Variants in TTC27 observed in about 807,000 individuals in gnomAD.
TTC27 encodes the protein tetratricopeptide repeat protein 27.
TTC27 carries 79 observed loss-of-function variants against 115.9 expected under a neutral mutation model. The ratio of observed to expected loss-of-function variants is 0.68; its 90% CI spans 0.57 to 0.82. The LOEUF is 0.82. TTC27 is among the 40% of genes least tolerant of loss of function. The pLI is 0.00. For synonymous variants in TTC27, 401 were observed against 356.0 expected, an observed-to-expected ratio of 1.13 and a Z score of -1.42; for missense variants, 1,054 against 993.1, an observed-to-expected ratio of 1.06 and a Z score of -0.82.
chr2:32,816,736 G>T (rs959774123), intron 18 of TTC27, among the ~76,000 whole-genome samples: 1 of 152,194 alleles, frequency 6.6e-6, no homozygotes, highest in African/African-American at 2.4e-5. Flanking sequence ...GTTGCTGTCA[G>T]TGCTTCCTGA....
At chr2:32,669,211 C>T (rs560453207) in intron 7 of TTC27, among the ~76,000 whole-genome samples, 86 of 152,316 alleles carry the variant, frequency 5.6e-4, no homozygotes, top group African/African-American at 2.0e-3. Context: ...AGGCTGGTCT[C>T]GAACTTCTGG....
At chr2:32,712,355 T>C (rs1667608103) in intron 10 of TTC27, among the ~76,000 whole-genome samples, 1 of 152,200 alleles carries the variant, frequency 6.6e-6, no homozygotes, top group Non-Finnish European at 1.5e-5. Flanking sequence ...TTCAAGGCAG[T>C]GGTGATGTTA....
intron 16 of TTC27, among the ~76,000 whole-genome samples, chr2:32,805,480 A>G (rs1365944941): frequency 2.0e-5 from 3 of 152,210 alleles, no homozygotes; most frequent in African/African-American, 4.8e-5. Flanking sequence ...GTAATAAAGT[A>G]CCTGCTTCCT....
At chr2:32,716,074 C>T (rs2151907776) in intron 10 of TTC27, among the ~76,000 whole-genome samples, 1 of 152,278 alleles carries the variant, frequency 6.6e-6, no homozygotes, top group Non-Finnish European at 1.5e-5. Context: ...GCTTGCCTTT[C>T]AGTCTCAACA....
intron 13 of TTC27, among the ~76,000 whole-genome samples, chr2:32,770,815 A>T (rs1669804214): frequency 6.6e-6 from 1 of 152,068 alleles, no homozygotes; most frequent in African/African-American, 2.4e-5. Context: ...TTTGAAATGG[A>T]TTTATATCGT....
rs371914781 is a variant in TTC27, at chr2:32,812,052, A to G, written c.2197-452A>G. ...TTATGGACTTTCTTGCATATATGGAATTAAGAGTACCCAGAATTCTCTGAC... is the reference window on the plus strand; with the variant it reads ...TTATGGACTTTCTTGCATATATGGAGTTAAGAGTACCCAGAATTCTCTGAC... On this transcript the variant is annotated intron_variant, in intron 17 of 19. Coordinates refer to ENST00000317907, the MANE Select transcript of TTC27 (RefSeq NM_017735.5). Among the ~76,000 whole-genome samples the G allele has an allele frequency of 3.9e-5, 6 of 152,296 alleles. No individual in the cohort carries two copies. The East Asian group carries it at 9.7e-4, about 25-fold the overall frequency.
intron 12 of TTC27, among the ~76,000 whole-genome samples, chr2:32,739,690 G>T (rs990411655): frequency 2.0e-5 from 3 of 152,050 alleles, no homozygotes; most frequent in African/African-American, 7.2e-5. Flanking sequence ...ACCCATAAAA[G>T]ACCTCCTTTA....
At chr2:32,733,332 C>T (rs1668354148) in intron 10 of TTC27, among the ~76,000 whole-genome samples, 1 of 152,208 alleles carries the variant, frequency 6.6e-6, no homozygotes, top group Non-Finnish European at 1.5e-5. Flanking sequence ...AGTGAATGTC[C>T]AGCCTTATTG....
chr2:32,638,994 G>A (rs1572463617), intron 3 of TTC27, among the ~76,000 whole-genome samples: 2 of 151,998 alleles, frequency 1.3e-5, no homozygotes, highest in South Asian at 2.1e-4. Context: ...CACCACGCCC[G>A]GCTAATTTTT....
At chr2:32,818,995 C>T (rs1433263886) in intron 19 of TTC27, among the ~76,000 whole-genome samples, 2 of 152,090 alleles carry the variant, frequency 1.3e-5, no homozygotes, top group Admixed American at 1.3e-4. Flanking sequence ...TATAAGAGCC[C>T]CCTCAAAGTC....
At chr2:32,723,211 A>G (rs1266057737) in intron 10 of TTC27, among the ~76,000 whole-genome samples, 2 of 152,190 alleles carry the variant, frequency 1.3e-5, no homozygotes, top group Non-Finnish European at 2.9e-5. Context: ...AGTTCTTTGG[A>G]CAAGGTCAGA....
chr2:32,688,067 T>C (rs1666694076), intron 9 of TTC27, among the ~76,000 whole-genome samples: 2 of 152,144 alleles, frequency 1.3e-5, no homozygotes, highest in Admixed American at 6.5e-5. Context: ...GAAGAATAAA[T>C]GAATAAATTA....
chr2:32,699,448 T>C (rs1238008031), intron 9 of TTC27, among the ~76,000 whole-genome samples: 2 of 152,266 alleles, frequency 1.3e-5, no homozygotes, highest in African/African-American at 2.4e-5. Context: ...GCTTGAGCTC[T>C]CACCAGCTGG....
rs141793242 is a variant in TTC27, at chr2:32,732,786, A to G, written c.1234-1042A>G. 7.2e-5 allele frequency among the ~76,000 whole-genome samples: 11 copies of G among 152,320 alleles called. No individual in the cohort carries two copies. In the East Asian group the frequency reaches 1.2e-3, roughly 16 times the overall value. On this transcript the variant is annotated intron_variant, in intron 10 of 19. Coordinates refer to ENST00000317907, the MANE Select transcript of TTC27 (RefSeq NM_017735.5). ...TCTCCTACATAACCCAGTATGCATA[A>G]TAACATCAGGAAATTAACATTGACT... is the stretch of plus-strand genomic sequence containing the variant.
chr2:32,745,064 A>C (rs1476263308), intron 12 of TTC27, among the ~76,000 whole-genome samples: 2 of 148,134 alleles, frequency 1.4e-5, no homozygotes, highest in Non-Finnish European at 3.0e-5. Flanking sequence ...CAAAAAAAAA[A>C]AAAAAAAAAA....
intron 16 of TTC27, among the ~76,000 whole-genome samples, chr2:32,798,866 T>C (rs1670820380): frequency 6.6e-6 from 1 of 152,108 alleles, no homozygotes; most frequent in South Asian, 2.1e-4. Context: ...TACCATATGG[T>C]CCAGCACTTT....
intron 13 of TTC27, among the ~76,000 whole-genome samples, chr2:32,767,489 G>A (rs532274237): frequency 1.6e-3 from 183 of 112,516 alleles, no homozygotes; most frequent in African/African-American, 6.2e-3. Flanking sequence ...GTCTCGCTCT[G>A]TCTCCCAGGC....
At chr2:32,812,450 T>G (rs1298733320) in intron 17 of TTC27, 54 bp from the exon 18 acceptor site, 2 of 1,348,724 alleles carry the variant, frequency 1.5e-6, no homozygotes, top group Admixed American at 3.4e-5. Context: ...GAAACAGAGT[T>G]TGAAATGTGA....
chr2:32,802,171 G>A (rs1374012913), intron 16 of TTC27, among the ~76,000 whole-genome samples: 1 of 152,022 alleles, frequency 6.6e-6, no homozygotes, highest in Non-Finnish European at 1.5e-5. Flanking sequence ...GTTAGATTTA[G>A]TTTCCAGATG....
Sources: allele counts gnomAD v4.1 joint callset (sites outside exome capture counted in the v4.1 genomes callset), GRCh38; gene constraint gnomAD v4.1.1; transcripts MANE v1.5; gene names NCBI Gene and HGNC (gene_info 2026-07-23, HGNC 2026-07-21).